The following KCNQ5 variants were observed in gnomAD, a reference collection of about 807,000 sequenced individuals.
KCNQ5 encodes the protein potassium voltage-gated channel subfamily Q member 5, also known as potassium voltage-gated channel subfamily KQT member 5.
A neutral mutation model predicts 98.2 loss-of-function variants in KCNQ5; 30 were observed. That is an observed-to-expected ratio of 0.31 (90% CI 0.23 to 0.41). The LOEUF (loss-of-function observed/expected upper bound fraction) is 0.41, where lower values mean the gene tolerates loss of function less well. Ranked by LOEUF, KCNQ5 falls within the 10% of genes least tolerant of loss-of-function variation. KCNQ5 has a pLI of 1.00. For synonymous variants in KCNQ5, 458 were observed against 449.4 expected, an observed-to-expected ratio of 1.02 and a Z score of -0.24; for missense variants, 835 against 1,182.5, an observed-to-expected ratio of 0.71 and a Z score of 4.31.
At chr6:73,173,025 T>G (rs891920482) in intron 11 of KCNQ5, among the ~76,000 whole-genome samples, 7 of 152,226 alleles carry the variant, frequency 4.6e-5, no homozygotes, top group Non-Finnish European at 8.8e-5. Flanking sequence ...TTGTCTGGAT[T>G]CTATTATCCA....
intron 1 of KCNQ5, among the ~76,000 whole-genome samples, chr6:72,671,382 G>C (rs1482483896): frequency 6.6e-6 from 1 of 152,120 alleles, no homozygotes; most frequent in African/African-American, 2.4e-5. Context: ...TAGCCAGAAG[G>C]ATTTCTCATA....
At chr6:72,680,393 G>A (rs1767647732) in intron 1 of KCNQ5, among the ~76,000 whole-genome samples, 1 of 152,118 alleles carries the variant, frequency 6.6e-6, no homozygotes, top group Admixed American at 6.5e-5. Flanking sequence ...ATATTCAGTT[G>A]TGTGGATATA....
chr6:72,756,563 T>G (rs557030502), intron 1 of KCNQ5, among the ~76,000 whole-genome samples: 1 of 152,290 alleles, frequency 6.6e-6, no homozygotes, highest in Admixed American at 6.5e-5. Flanking sequence ...TTAGACATTA[T>G]TTGTCATAAC....
At chr6:72,867,670 G>A (rs1051829171) in intron 1 of KCNQ5, among the ~76,000 whole-genome samples, 5 of 152,090 alleles carry the variant, frequency 3.3e-5, no homozygotes, top group African/African-American at 1.2e-4. Context: ...GAGTATGGTG[G>A]CTCATGCCTG....
intron 2 of KCNQ5, among the ~76,000 whole-genome samples, chr6:73,020,737 ACT>A (rs1337504309): frequency 6.6e-6 from 1 of 152,282 alleles, no homozygotes; most frequent in Non-Finnish European, 1.5e-5. Context: ...ACAAAAAGAC[ACT>A]TATCACTTTG....
intron 1 of KCNQ5, among the ~76,000 whole-genome samples, chr6:72,936,438 C>T (rs1466789764): frequency 1.3e-5 from 2 of 152,062 alleles, no homozygotes; most frequent in Non-Finnish European, 2.9e-5. Flanking sequence ...AGCAAACACT[C>T]AGTAAATATT....
At chr6:73,112,195 C>T (rs559282179) in intron 7 of KCNQ5, among the ~76,000 whole-genome samples, 2 of 152,258 alleles carry the variant, frequency 1.3e-5, no homozygotes, top group East Asian at 3.9e-4. Context: ...TCTAAAGTTT[C>T]TCCCCTCCTG....
At chr6:73,116,502 CA>C (rs1379697801) in intron 7 of KCNQ5, among the ~76,000 whole-genome samples, 1 of 151,960 alleles carries the variant, frequency 6.6e-6, no homozygotes. Context: ...CCCACCTCTA[CA>C]AAAAAATTTT....
At chr6:73,105,681 A>G (rs1774969068) in intron 6 of KCNQ5, among the ~76,000 whole-genome samples, 1 of 152,190 alleles carries the variant, frequency 6.6e-6, no homozygotes, top group African/African-American at 2.4e-5. Flanking sequence ...TTAAAGCTAT[A>G]TTCTTTTAAA....
At chr6:72,842,071 A>G (rs1776820084) in intron 1 of KCNQ5, among the ~76,000 whole-genome samples, 1 of 152,238 alleles carries the variant, frequency 6.6e-6, no homozygotes, top group Non-Finnish European at 1.5e-5. Context: ...AGTAAATTCT[A>G]TTAACTGGAC....
intron 1 of KCNQ5, among the ~76,000 whole-genome samples, chr6:72,940,995 G>A (rs373150112): frequency 2.0e-4 from 30 of 152,000 alleles, no homozygotes; most frequent in East Asian, 1.9e-3. Flanking sequence ...AAAAAAATAC[G>A]GCATAATATG....
At chr6:73,055,265 C>T in intron 3 of KCNQ5, 1 of 1,335,062 alleles carries the variant, frequency 7.5e-7, no homozygotes, top group Admixed American at 1.7e-5. Flanking sequence ...CACCTCATTG[C>T]AGAAGAGAGC....
chr6:72,988,269 G>T (rs1383650906), intron 1 of KCNQ5, among the ~76,000 whole-genome samples: 1 of 152,180 alleles, frequency 6.6e-6, no homozygotes, highest in Admixed American at 6.5e-5. Context: ...GGCAAAGGAA[G>T]TTCAGGGATA....
At chr6:72,684,278 C>T (rs879788141) in intron 1 of KCNQ5, among the ~76,000 whole-genome samples, 6 of 152,182 alleles carry the variant, frequency 3.9e-5, no homozygotes, top group South Asian at 2.1e-4. Context: ...TGGCATCCCA[C>T]GCTTCCCTGA....
chr6:72,855,027 A>G (rs890834599), intron 1 of KCNQ5, among the ~76,000 whole-genome samples: 1 of 152,004 alleles, frequency 6.6e-6, no homozygotes, highest in Non-Finnish European at 1.5e-5. Context: ...TCACTCATCA[A>G]TGACCATTGT....
At chr6:72,765,635 C>T (rs1034678628) in intron 1 of KCNQ5, among the ~76,000 whole-genome samples, 2 of 152,082 alleles carry the variant, frequency 1.3e-5, no homozygotes, top group East Asian at 1.9e-4. Flanking sequence ...ATAAGGCAGA[C>T]GTGTGGATTC....
Position 72,678,887 on chromosome 6 carries a change from G to T in KCNQ5, c.398+56300G>T, listed in dbSNP as rs552372141. On this transcript the variant is annotated intron_variant, in intron 1 of 13. Coordinates refer to ENST00000370398, the MANE Select transcript of KCNQ5 (RefSeq NM_019842.4). Reference sequence around the variant, plus strand: ...TCCAAAAACTAAAATAAAAATAAAAGACATGAAGCACTTCTTTTATCTTAT... The same window carrying T: ...TCCAAAAACTAAAATAAAAATAAAATACATGAAGCACTTCTTTTATCTTAT... Among the ~76,000 whole-genome samples, 4 of 152,170 alleles carry T rather than the reference G, an allele frequency of 2.6e-5. No homozygotes were observed. In the South Asian group the frequency reaches 6.2e-4, roughly 24 times the overall value.
intron 9 of KCNQ5, 88 bp downstream of exon 9, chr6:73,124,600 T>C: frequency 8.6e-7 from 1 of 1,157,666 alleles, no homozygotes; most frequent in Non-Finnish European, 1.3e-6. Flanking sequence ...GTAAAATCGA[T>C]CAACAAATAC....
intron 1 of KCNQ5, among the ~76,000 whole-genome samples, chr6:72,718,313 G>A (rs1341457958): frequency 6.6e-6 from 1 of 152,040 alleles, no homozygotes; most frequent in African/African-American, 2.4e-5. Context: ...TCCCTTTGCT[G>A]GTCTGCATGT....
Sources: gnomAD v4.1 joint callset for allele counts (sites outside exome capture counted in the v4.1 genomes callset) on GRCh38, gnomAD v4.1.1 for gene constraint, MANE v1.5 for transcripts, NCBI Gene and HGNC (gene_info 2026-07-23, HGNC 2026-07-21) for gene names.